Variants in MIDN observed in about 807,000 individuals in gnomAD.
The protein encoded by MIDN is midnolin, also known as midbrain nucleolar protein.
In MIDN, 26 loss-of-function variants were observed where a neutral mutation model predicts 46.1. That is an observed-to-expected ratio of 0.56 (90% CI 0.41 to 0.78). The LOEUF (loss-of-function observed/expected upper bound fraction) is 0.78. Among genes scored for constraint, MIDN ranks in the 30% least tolerant of loss-of-function variants. MIDN has a pLI of 0.00. For synonymous variants in MIDN, 432 were observed against 343.3 expected (o/e 1.26, Z -2.86); for missense variants, 850 against 771.8 (o/e 1.10, Z -1.20).
chr19:1,256,850 G>A, intron 8 of MIDN, 145 bp from the exon 9 acceptor site: 1 of 1,217,108 alleles, frequency 8.2e-7, no homozygotes, highest in South Asian at 1.4e-5. Context: ...CATGGTGGAT[G>A]TCCTTGACTG....
intron 8 of MIDN, among the ~76,000 whole-genome samples, chr19:1,256,287 T>C (rs746509262): frequency 1.1e-4 from 16 of 152,084 alleles, no homozygotes; most frequent in Non-Finnish European, 1.9e-4. Context: ...ATCGAGACCA[T>C]CTTGGCTAAC....
intron 6 of MIDN, 96 bp from the exon 7 acceptor site, chr19:1,254,806 C>G (rs926227828): frequency 7.2e-7 from 1 of 1,389,688 alleles, no homozygotes; most frequent in African/African-American, 1.4e-5. Flanking sequence ...GACAGGTCAT[C>G]TCCTGACCTG....
At position 1,250,149 on chromosome 19, in the gene MIDN, C is replaced by A; in HGVS notation, c.-148C>A. The A allele has an allele frequency of 5.3e-6, 1 of 189,434 alleles. No homozygotes were observed. The highest frequency in any genetic ancestry group is 9.8e-6 in the Non-Finnish European group (1 of 102,298). The allele number at this position is 189,434 out of a possible 1,614,324, so 11.7% of individuals were successfully genotyped here. A position where few individuals can be genotyped will look rare whatever the true frequency, so the allele number is the denominator to read the frequency against. ...TGGATTTCGGTCTCGCATTCCGCGG[C>A]CGGGACTTTCTCGAGGAGGACGCGC... On this transcript the variant is annotated 5_prime_UTR_variant, in exon 2 of 9. Coordinates refer to ENST00000682408, the MANE Select transcript of MIDN (RefSeq NM_001388306.1).
chr19:1,253,665 A>G, intron 4 of MIDN: 1 of 180,464 alleles, frequency 5.5e-6, no homozygotes, highest in Non-Finnish European at 1.2e-5. Flanking sequence ...ATAAATATTT[A>G]TCTTGAGAAA....
rs1417945925 is a variant in MIDN, at chr19:1,254,254, G to A, written c.601G>A (p.Ala201Thr). The A allele has an allele frequency of 1.3e-6, 2 of 1,589,738 alleles. No individual in the cohort carries two copies. Among genetic ancestry groups the A allele is most frequent in the Admixed American group, 1.7e-5 (1 of 59,116 alleles). ...HMMFVQLQLA[A>T]QHAPLQHRHV... ...GATGTTCGTGCAGCTGCAGCTCGCGGCCCAGCACGCTCCACTGCAACACCG... is the reference window on the plus strand; with the variant it reads ...GATGTTCGTGCAGCTGCAGCTCGCGACCCAGCACGCTCCACTGCAACACCG... Residue 201 changes from alanine (A) to threonine (T), a missense_variant, in exon 6 of 9, where the codon GCC becomes ACC. Coordinates refer to ENST00000682408, the MANE Select transcript of MIDN (RefSeq NM_001388306.1).
rs1405787329 is a variant in MIDN, at chr19:1,257,941, G to A, written c.*669G>A. 6.6e-6 allele frequency: 1 copy of A among 152,456 alleles called. No individual in the cohort carries two copies. Among genetic ancestry groups the A allele is most frequent in the Non-Finnish European group, 1.5e-5 (1 of 68,056 alleles). 9.4% of individuals were successfully genotyped at this position (152,456 alleles called of 1,614,324 possible). On this transcript the variant is annotated 3_prime_UTR_variant, in exon 9 of 9. Transcript: ENST00000682408. ...TTCCTTCATTTCTTTAACAAGGAGA[G>A]CAAAGCTGTTTTAGCAGAGGCTGGG... is the stretch of plus-strand genomic sequence containing the variant.
chr19:1,253,944 G>A lies in MIDN; in HGVS notation c.385-10G>A. Reference sequence around the variant, plus strand: ...GCAGGCCCCCGTCTGACCCGCCTCTGTCCCCACAGCCCCCAGCGGCGCCCG... The same window carrying A: ...GCAGGCCCCCGTCTGACCCGCCTCTATCCCCACAGCCCCCAGCGGCGCCCG... On this transcript the variant is annotated splice_polypyrimidine_tract_variant and intron_variant, in intron 4 of 8. Coordinates refer to ENST00000682408, the MANE Select transcript of MIDN (RefSeq NM_001388306.1). The A allele has an allele frequency of 7.2e-7, 1 of 1,385,698 alleles. No individual in the cohort carries two copies. The highest frequency in any genetic ancestry group is 9.3e-7 in the Non-Finnish European group (1 of 1,077,220). The allele number at this position is 1,385,698 out of a possible 1,614,324, so 85.8% of individuals were successfully genotyped here.
intron 6 of MIDN, 123 bp from the exon 7 acceptor site, chr19:1,254,779 T>C (rs367680474): frequency 1.7e-6 from 2 of 1,191,316 alleles, no homozygotes; most frequent in African/African-American, 3.1e-5. Flanking sequence ...GGCTAGTTTA[T>C]CTCTAAACCC....
chr19:1,254,557 A>G, intron 6 of MIDN, 79 bp downstream of exon 6: 1 of 1,436,098 alleles, frequency 7.0e-7, no homozygotes. Context: ...TGGGGAGGAC[A>G]AGGACTCTTA....
rs140229454 is a variant in MIDN, at chr19:1,254,757, C to T, written c.826-145C>T. 2.2e-3 allele frequency: 2,235 copies of T among 1,010,964 alleles called. 36 individuals carry two copies. The African/African-American group carries it at 0.031, about 14-fold the overall frequency. 62.6% of individuals were successfully genotyped at this position (1,010,964 alleles called of 1,614,324 possible). ...CTCTGTGTCCTGGGTTGGTTGTGACCTCGTGACCTTGGGCTAGTTTATCTC... is the reference window on the plus strand; with the variant it reads ...CTCTGTGTCCTGGGTTGGTTGTGACTTCGTGACCTTGGGCTAGTTTATCTC... On this transcript the variant is annotated intron_variant, in intron 6 of 8. Coordinates refer to ENST00000682408, the MANE Select transcript of MIDN (RefSeq NM_001388306.1).
intron 4 of MIDN, 94 bp from the exon 5 acceptor site, chr19:1,253,860 C>A: frequency 3.7e-6 from 4 of 1,073,708 alleles, no homozygotes; most frequent in Non-Finnish European, 4.9e-6. Flanking sequence ...GCCAGCTGGG[C>A]CCCGCCCCCT....
intron 8 of MIDN, 149 bp downstream of exon 8, chr19:1,255,843 C>G: frequency 4.0e-6 from 3 of 750,436 alleles, no homozygotes; most frequent in Non-Finnish European, 6.2e-6. Context: ...TGCTCCAGCC[C>G]GGAGAGAAGG....
Position 1,254,298 on chromosome 19 carries a change from GGCCGCC to G in MIDN, c.651_656del (p.Ala220_Ala221del). 6.4e-7 allele frequency: 1 copy of G among 1,568,298 alleles called. No individual in the cohort carries two copies. Among genetic ancestry groups the G allele is most frequent in the Non-Finnish European group, 8.6e-7 (1 of 1,164,698 alleles). ...AACACCGCCATGTGCTGGCCGCTGC[GGCCGCC>G]GCCGCTGCTGCGCGGGGGGACCCCA... On this transcript the variant is annotated inframe_deletion, in exon 6 of 9. Transcript: ENST00000682408.
Position 1,251,911 on chromosome 19 carries a change from C to CG in MIDN, c.384+11dup. 6.2e-7 allele frequency: 1 copy of CG among 1,611,878 alleles called. No homozygotes were observed. Among genetic ancestry groups the CG allele is most frequent in the Non-Finnish European group, 8.5e-7 (1 of 1,178,850 alleles). The stretch of plus-strand genomic sequence containing the variant: ...TCTCACGGAGACGCAGGTAAGACCT[C>CG]GCCAGCCCCTTCCTAACAGGGCAGC... On this transcript the variant is annotated intron_variant, in intron 4 of 8. Transcript: ENST00000682408.
In MIDN at chr19:1,255,535, C is replaced by A; in HGVS notation, c.1099C>A (p.Pro367Thr). 2 of 1,611,658 alleles carry A rather than the reference C, an allele frequency of 1.2e-6. No individual in the cohort carries two copies. Among genetic ancestry groups the A allele is most frequent in the Non-Finnish European group, 1.7e-6 (2 of 1,179,488 alleles). ...LSATRHYQGM[P>T]PSLAQLRCHA... ...CGCCACCCGGCACTACCAGGGCATG[C>A]CCCCTTCGCTGGCCCAGCTCCGCTG... Residue 367 changes from proline (P) to threonine (T), a missense_variant, in exon 8 of 9, where the codon CCC (proline) becomes ACC (threonine). By Grantham distance (38) the Pro-to-Thr change is conservative. Transcript: ENST00000682408.
chr19:1,252,479 T>C (rs1476175768), intron 4 of MIDN, among the ~76,000 whole-genome samples: 2 of 151,036 alleles, frequency 1.3e-5, no homozygotes, highest in Non-Finnish European at 2.9e-5. Context: ...GTTAGGAAAA[T>C]ATTTAGTAAG....
At position 1,255,693 on chromosome 19, in the gene MIDN, G is replaced by T. The variant is rs61744742; in HGVS notation, c.1257G>T (p.Pro419=). The T allele has an allele frequency of 6.4e-7, 1 of 1,569,666 alleles. No homozygotes were observed. Among genetic ancestry groups the T allele is most frequent in the Non-Finnish European group, 8.6e-7 (1 of 1,161,372 alleles). The stretch of plus-strand genomic sequence containing the variant: ...GCCAGATCCGCATGTGCAAGCCCCC[G>T]GGTGAGTGGCCACCCTCGGGGGTCC... ...GQSQIRMCKP[P]GDRLRQTENR... Residue 419 remains proline (P), a splice_region_variant and synonymous_variant, in exon 8 of 9, where the codon CCG becomes CCT. Transcript: ENST00000682408.
chr19:1,254,752 G>A, intron 6 of MIDN, 150 bp from the exon 7 acceptor site: 1 of 956,730 alleles, frequency 1.0e-6, no homozygotes, highest in Non-Finnish European at 1.6e-6. Flanking sequence ...TGGGTTGGTT[G>A]TGACCTCGTG....
At chr19:1,252,898 G>A (rs907727782) in intron 4 of MIDN, among the ~76,000 whole-genome samples, 3 of 152,190 alleles carry the variant, frequency 2.0e-5, no homozygotes, top group African/African-American at 7.2e-5. Context: ...GAGCCAGGGC[G>A]GGGGCTGCAG....
Sources: allele counts gnomAD v4.1 joint callset (sites outside exome capture counted in the v4.1 genomes callset), GRCh38; gene constraint gnomAD v4.1.1; transcripts MANE v1.5; gene names NCBI Gene and HGNC (gene_info 2026-07-23, HGNC 2026-07-21).